Variants in U2SURP observed in about 807,000 individuals in gnomAD.
The protein encoded by U2SURP is U2 snRNP associated SURP domain containing, also known as U2 snRNP-associated SURP motif-containing protein.
A neutral mutation model predicts 144.9 loss-of-function variants in U2SURP; 9 were observed. That is an observed-to-expected ratio of 0.06 (90% CI 0.04 to 0.11). The LOEUF is 0.11. Ranked by LOEUF, U2SURP falls within the 10% of genes least tolerant of loss-of-function variation. The pLI is 1.00. For synonymous variants in U2SURP, 408 were observed against 396.8 expected, an observed-to-expected ratio of 1.03 and a Z score of -0.33; for missense variants, 724 against 1,226.7, an observed-to-expected ratio of 0.59 and a Z score of 6.12.
Position 143,016,939 on chromosome 3 carries a change from A to G in U2SURP, c.534A>G (p.Arg178=). ...CTCCAAATCAGTCTTCCAATGAAAG[A>G]CCACCATCTCTTCTTGTGATAGAAA... ...KNPPNQSSNE[R]PPSLLVIETK... is the part of the protein sequence containing the mutation. Residue 178 remains arginine, a synonymous_variant, in exon 6 of 28, where the codon AGA becomes AGG. Transcript: ENST00000473835. The G allele has an allele frequency of 6.3e-7, 1 of 1,594,140 alleles. No homozygotes were observed. Among genetic ancestry groups the G allele is most frequent in the Non-Finnish European group, 8.5e-7 (1 of 1,173,266 alleles).
Position 143,023,082 on chromosome 3 carries a change from C to T in U2SURP, c.1230+18C>T. 1 of 1,549,924 alleles carries T rather than the reference C, an allele frequency of 6.5e-7. No individual in the cohort carries two copies. Among genetic ancestry groups the T allele is most frequent in the South Asian group, 1.2e-5 (1 of 83,734 alleles). On this transcript the variant is annotated intron_variant, in intron 12 of 27. Transcript: ENST00000473835. ...TTGAGAAGGTAATTTAAAAAATGGA[C>T]ATAAGGCCGCATCTAATTTGTAAAT...
At chr3:143,047,077 C>T (rs1352622522) in intron 24 of U2SURP, among the ~76,000 whole-genome samples, 7 of 90,570 alleles carry the variant, frequency 7.7e-5, no homozygotes, top group South Asian at 4.4e-4. Flanking sequence ...CCTGACGGGG[C>T]GGCTGGCCGG....
At chr3:143,052,125 G>A (rs373172509) in intron 25 of U2SURP, among the ~76,000 whole-genome samples, 2 of 152,130 alleles carry the variant, frequency 1.3e-5, no homozygotes, top group African/African-American at 2.4e-5. Context: ...AGTTGCTCAC[G>A]CCTGTAATCC....
chr3:143,014,420 A>G lies in U2SURP; in HGVS notation c.321+11A>G. 2 of 1,558,380 alleles carry G rather than the reference A, an allele frequency of 1.3e-6. No individual in the cohort carries two copies. Among genetic ancestry groups the G allele is most frequent in the African/African-American group, 1.4e-5 (1 of 73,576 alleles). On this transcript the variant is annotated intron_variant, in intron 4 of 27. Transcript: ENST00000473835. Reference sequence around the variant, plus strand: ...GAATTAAAGAAAAAGGTAATGTTGAAAATGTATTTTGAATTATCCTTGGAA... The same window carrying G: ...GAATTAAAGAAAAAGGTAATGTTGAGAATGTATTTTGAATTATCCTTGGAA...
rs1463932717 is a variant in U2SURP, at chr3:143,057,494, G to C, written c.*1044G>C. 1 of 152,004 alleles carries C rather than the reference G, an allele frequency of 6.6e-6. No homozygotes were observed. The highest frequency in any genetic ancestry group is 1.5e-5 in the Non-Finnish European group (1 of 67,846). The allele number at this position is 152,004 out of a possible 1,614,324, so 9.4% of individuals were successfully genotyped here. On this transcript the variant is annotated 3_prime_UTR_variant, in exon 28 of 28. Transcript: ENST00000473835. ...CAGGAAACTTCGTATCTAATGGTTT[G>C]TAAATTCAAGGTGCAAAAAGTTGAT...
intron 1 of U2SURP, among the ~76,000 whole-genome samples, chr3:143,006,229 T>C (rs1375059755): frequency 9.2e-5 from 14 of 152,252 alleles, no homozygotes; most frequent in African/African-American, 3.4e-4. Context: ...ATAGTGCTTG[T>C]ATTAATGATT....
Position 143,028,894 on chromosome 3 carries a change from T to G in U2SURP, c.1610+248T>G, listed in dbSNP as rs191382901. 6.1e-3 allele frequency among the ~76,000 whole-genome samples: 935 copies of G among 152,324 alleles called. 5 individuals are homozygous for G. The highest frequency in any genetic ancestry group is 0.034 in the Middle Eastern group (10 of 294). On this transcript the variant is annotated intron_variant, in intron 16 of 27. Coordinates refer to ENST00000473835, the MANE Select transcript of U2SURP (RefSeq NM_001080415.2). ...GATCTCTTAAACATGATTGACTTAT[T>G]TCTTTAGCATTGGAGTACTTCAGAT...
intron 24 of U2SURP, among the ~76,000 whole-genome samples, chr3:143,048,542 A>G (rs1026573636): frequency 2.0e-5 from 3 of 152,186 alleles, no homozygotes; most frequent in Admixed American, 2.0e-4. Context: ...AAAACACACG[A>G]AAAATGTAGA....
chr3:143,039,487 T>A (rs1933983640), intron 23 of U2SURP, among the ~76,000 whole-genome samples: 1 of 151,960 alleles, frequency 6.6e-6, no homozygotes, highest in Non-Finnish European at 1.5e-5. Flanking sequence ...TGTTTTTGTA[T>A]TTGACACTGT....
intron 1 of U2SURP, among the ~76,000 whole-genome samples, chr3:143,003,747 A>G (rs1431393471): frequency 2.3e-5 from 3 of 131,932 alleles, no homozygotes; most frequent in African/African-American, 5.6e-5. Context: ...GCTGGAGTGC[A>G]GTGGCACAAT....
Position 143,026,438 on chromosome 3 carries a change from T to A in U2SURP, c.1275-711T>A, listed in dbSNP as rs536677130. On this transcript the variant is annotated intron_variant, in intron 13 of 27. Transcript: ENST00000473835. Reference sequence around the variant, plus strand: ...ATAATTTCTTCATTGATTGATAGTGTACAGGCATATCAATCTCTTGTTTTG... The same window carrying A: ...ATAATTTCTTCATTGATTGATAGTGAACAGGCATATCAATCTCTTGTTTTG... 3 of 152,298 alleles carry A rather than the reference T, an allele frequency of 2.0e-5. No homozygotes were observed. The East Asian group carries it at 5.8e-4, about 29-fold the overall frequency. The allele number at this position is 152,298 out of a possible 1,614,324, so 9.4% of individuals were successfully genotyped here. A position where few individuals can be genotyped will look rare whatever the true frequency, so the allele number is the denominator to read the frequency against.
In U2SURP at chr3:143,047,019, T is replaced by G. The variant is rs375046278; in HGVS notation, c.2544+3743T>G. Among the ~76,000 whole-genome samples the G allele has an allele frequency of 2.4e-5, 3 of 123,268 alleles. 1 individual carries two copies. Among genetic ancestry groups the G allele is most frequent in the Admixed American group, 1.5e-4 (2 of 12,914 alleles). 80.9% of individuals were successfully genotyped at this position (123,268 alleles called of 152,430 possible). On this transcript the variant is annotated intron_variant, in intron 24 of 27. Transcript: ENST00000473835. ...GGGGCTGACCCCCCCACCTCCCTCCTGGATGGGGCGGCTGGCCAGGCGGGG... is the reference window on the plus strand; with the variant it reads ...GGGGCTGACCCCCCCACCTCCCTCCGGGATGGGGCGGCTGGCCAGGCGGGG...
At chr3:143,037,413 A>G (rs913965510) in intron 21 of U2SURP, 78 bp downstream of exon 21, 2 of 1,352,200 alleles carry the variant, frequency 1.5e-6, no homozygotes, top group Non-Finnish European at 2.1e-6. Context: ...ACATGCTGAT[A>G]TGGAAAAAGG....
chr3:143,043,045 A>G, intron 23 of U2SURP, 72 bp from the exon 24 acceptor site: 1 of 1,377,144 alleles, frequency 7.3e-7, no homozygotes, highest in Non-Finnish European at 9.7e-7. Flanking sequence ...ATGAAAAATA[A>G]AATAGGTAGA....
chr3:143,045,754 A>T (rs1934399681), intron 24 of U2SURP, among the ~76,000 whole-genome samples: 1 of 152,226 alleles, frequency 6.6e-6, no homozygotes, highest in African/African-American at 2.4e-5. Flanking sequence ...GCCTCTCACA[A>T]CTTAGTTGTC....
rs376318821 is a variant in U2SURP, at chr3:143,053,779, C to T, written c.2759C>T (p.Pro920Leu). Residue 920 changes from proline to leucine, a missense_variant, in exon 26 of 28, where the codon CCG (proline) becomes CTG (leucine). Physicochemically the swap from Pro to Leu is moderately conservative, Grantham distance 98. This residue lies in a region of U2SURP where 129 missense variants were observed against 196.1 expected (regional missense o/e 0.66). Transcript: ENST00000473835. ...AAGAAGGAAAAAGATGAGTGTACTCCGACAAGGAAGGAAAGGTATAACATT... is the reference window on the plus strand; with the variant it reads ...AAGAAGGAAAAAGATGAGTGTACTCTGACAAGGAAGGAAAGGTATAACATT... Reference protein sequence around the residue: ...KDKKEKDECTPTRKERKRRHS... With the variant: ...KDKKEKDECTLTRKERKRRHS... 1.8e-5 allele frequency: 29 copies of T among 1,592,722 alleles called. No homozygotes were observed. The highest frequency in any genetic ancestry group is 2.4e-5 in the Non-Finnish European group (28 of 1,172,514).
At chr3:143,030,879 C>G (rs1057359004) in intron 16 of U2SURP, among the ~76,000 whole-genome samples, 12 of 152,064 alleles carry the variant, frequency 7.9e-5, no homozygotes, top group African/African-American at 2.9e-4. Context: ...GACCCCATTT[C>G]TATTAAAAAG....
rs1013490637 is a variant in U2SURP at position 143,058,676 on chromosome 3, A to C, written c.*2226A>C. On this transcript the variant is annotated 3_prime_UTR_variant, in exon 28 of 28. Transcript: ENST00000473835. ...CCTACTTAATACTCCCATGGATTCT[A>C]TGAAAGTTTAATGGGATCAGAAATT... 6.6e-6 allele frequency: 1 copy of C among 151,866 alleles called. No homozygotes were observed. Among genetic ancestry groups the C allele is most frequent in the African/African-American group, 2.4e-5 (1 of 41,410 alleles). The allele number at this position is 151,866 out of a possible 1,614,324, so 9.4% of individuals were successfully genotyped here. A position where few individuals can be genotyped will look rare whatever the true frequency, so the allele number is the denominator to read the frequency against.
intron 6 of U2SURP, among the ~76,000 whole-genome samples, chr3:143,017,549 C>T (rs919275568): frequency 3.3e-5 from 5 of 150,304 alleles, no homozygotes; most frequent in African/African-American, 4.9e-5. Context: ...TTTTGTGTGG[C>T]TTAAAAAATA....
Sources: gnomAD v4.1 joint callset for allele counts (sites outside exome capture counted in the v4.1 genomes callset) on GRCh38, gnomAD v4.1.1 for gene constraint, gnomAD v4.1.1 regional missense constraint, MANE v1.5 for transcripts, NCBI Gene and HGNC (gene_info 2026-07-23, HGNC 2026-07-21) for gene names.